Variants in FHOD3 observed in about 807,000 individuals in gnomAD.
FHOD3 encodes the protein formin homology 2 domain containing 3, also known as FH1/FH2 domain-containing protein 3.
Under a neutral mutation model 173.0 loss-of-function variants are expected in FHOD3, and 90 were observed. The ratio of observed to expected loss-of-function variants is 0.52; its 90% CI spans 0.44 to 0.62. FHOD3 has a LOEUF of 0.62. Among genes scored for constraint, FHOD3 ranks in the 20% least tolerant of loss-of-function variants. The pLI is 0.00. For synonymous variants in FHOD3, 828 were observed against 823.0 expected, an observed-to-expected ratio of 1.01 and a Z score of -0.10; for missense variants, 1,945 against 2,034.7, an observed-to-expected ratio of 0.96 and a Z score of 0.85.
At chr18:36,400,685 C>T (rs966784880) in intron 3 of FHOD3, among the ~76,000 whole-genome samples, 1 of 152,180 alleles carries the variant, frequency 6.6e-6, no homozygotes, top group African/African-American at 2.4e-5. Flanking sequence ...CTCAGTGCAT[C>T]CACCAGAGCT....
At chr18:36,774,266 G>C (rs2043528003) in intron 28 of FHOD3, among the ~76,000 whole-genome samples, 1 of 152,224 alleles carries the variant, frequency 6.6e-6, no homozygotes, top group South Asian at 2.1e-4. Context: ...TAGTAGGAGG[G>C]CATGGGCTGG....
intron 1 of FHOD3, among the ~76,000 whole-genome samples, chr18:36,337,373 A>G (rs1271495345): frequency 1.3e-5 from 2 of 152,162 alleles, no homozygotes; most frequent in East Asian, 3.9e-4. Context: ...GCTGGTATAT[A>G]ACGTGAATAA....
chr18:36,610,578 T>C (rs539393310), intron 8 of FHOD3, among the ~76,000 whole-genome samples: 1 of 152,306 alleles, frequency 6.6e-6, no homozygotes, highest in East Asian at 1.9e-4. Context: ...TTACAATTAG[T>C]TTTCATTAGT....
chr18:36,677,539 C>T (rs2037944905), intron 14 of FHOD3, among the ~76,000 whole-genome samples: 1 of 152,208 alleles, frequency 6.6e-6, no homozygotes, highest in Non-Finnish European at 1.5e-5. Context: ...ACACATTTGA[C>T]ATGAATCAGG....
At chr18:36,710,139 AC>A (rs2040090134) in intron 18 of FHOD3, 1 of 152,200 alleles carries the variant, frequency 6.6e-6, no homozygotes, top group Non-Finnish European at 1.5e-5. Flanking sequence ...GCCTGAAAGA[AC>A]CTCACCAAGG....
intron 5 of FHOD3, among the ~76,000 whole-genome samples, chr18:36,514,011 A>ATTTTTTTTTTTTT (rs1555735785): frequency 1.5e-5 from 1 of 65,616 alleles, no homozygotes. Context: ...TGCTATTTCT[A>ATTTTTTTTTTTTT]TTCTTTTTTT....
chr18:36,704,763 C>T (rs2039777435), intron 17 of FHOD3, among the ~76,000 whole-genome samples: 1 of 152,164 alleles, frequency 6.6e-6, no homozygotes, highest in African/African-American at 2.4e-5. Context: ...AAGGCAGTTC[C>T]TGTGAAGTGC....
At chr18:36,524,451 G>T (rs1056390834) in intron 5 of FHOD3, among the ~76,000 whole-genome samples, 26 of 152,152 alleles carry the variant, frequency 1.7e-4, no homozygotes, top group Non-Finnish European at 4.4e-5. Context: ...TGCTTCTCCA[G>T]AGCCTGAGGA....
intron 6 of FHOD3, among the ~76,000 whole-genome samples, chr18:36,581,791 G>A (rs186708043): frequency 3.3e-5 from 5 of 152,254 alleles, no homozygotes; most frequent in African/African-American, 1.2e-4. Context: ...TGGGGACATT[G>A]CTGAAAGTTT....
chr18:36,739,713 C>T (rs9959091), intron 20 of FHOD3, among the ~76,000 whole-genome samples: 57,509 of 152,018 alleles, frequency 0.38, 11,428 homozygotes, highest in African/African-American at 0.52. Flanking sequence ...TATACCTATG[C>T]GTTTCACTGT....
intron 1 of FHOD3, among the ~76,000 whole-genome samples, chr18:36,346,508 A>G (rs1414463618): frequency 2.0e-5 from 3 of 152,218 alleles, no homozygotes; most frequent in Non-Finnish European, 4.4e-5. Flanking sequence ...TGCTCAAGCA[A>G]GAAACTCAAG....
At position 36,653,463 on chromosome 18, in the gene FHOD3, T is replaced by C. The variant is rs1024309181; in HGVS notation, c.1721+47T>C. Reference sequence around the variant, plus strand: ...CCCTTTTCTGTAGCTTTCTGTTTTATATTCTAATGTATGCATTTTTCTTTT... The same window carrying C: ...CCCTTTTCTGTAGCTTTCTGTTTTACATTCTAATGTATGCATTTTTCTTTT... On this transcript the variant is annotated intron_variant, in intron 13 of 28. Coordinates refer to ENST00000590592, the MANE Select transcript of FHOD3 (RefSeq NM_001281740.3). The C allele has an allele frequency of 2.3e-6, 3 of 1,287,328 alleles. No individual in the cohort carries two copies. In the African/African-American group the frequency reaches 4.5e-5, roughly 19 times the overall value. 79.7% of individuals were successfully genotyped at this position (1,287,328 alleles called of 1,614,324 possible). A position where few individuals can be genotyped will look rare whatever the true frequency, so the allele number is the denominator to read the frequency against.
Position 36,361,681 on chromosome 18 carries a change from G to A in FHOD3, c.272+6036G>A, listed in dbSNP as rs537295468. Among the ~76,000 whole-genome samples, 79 of 136,436 alleles carry A rather than the reference G, an allele frequency of 5.8e-4. 1 individual carries two copies. Among genetic ancestry groups the A allele is most frequent in the African/African-American group, 1.2e-3 (43 of 34,570 alleles). 89.5% of individuals were successfully genotyped at this position (136,436 alleles called of 152,430 possible). A position where few individuals can be genotyped will look rare whatever the true frequency, so the allele number is the denominator to read the frequency against. On this transcript the variant is annotated intron_variant, in intron 2 of 28. Transcript: ENST00000590592. ...AGCCTGGCTGACACAGCAAGACTCC[G>A]TCTCAAAAAAAAAAAAAAAAGAAAA...
chr18:36,473,752 C>A (rs1024382673), intron 3 of FHOD3, among the ~76,000 whole-genome samples: 1 of 152,234 alleles, frequency 6.6e-6, no homozygotes, highest in African/African-American at 2.4e-5. Flanking sequence ...ATTTTCACAT[C>A]ATCTTTCATC....
intron 1 of FHOD3, among the ~76,000 whole-genome samples, chr18:36,300,959 T>C (rs2091944300): frequency 6.6e-6 from 1 of 152,136 alleles, no homozygotes; most frequent in South Asian, 2.1e-4. Context: ...CAGGCTGGTC[T>C]TAAACTCCTG....
chr18:36,779,429 A>T lies in FHOD3; in HGVS notation c.4787-19A>T. On this transcript the variant is annotated intron_variant, in intron 28 of 28. Transcript: ENST00000590592. Reference sequence around the variant, plus strand: ...TTTTCTTCTCATCCCTTTGGGTGTGACCTGCACCACCACTGCAGTGCGAAG... The same window carrying T: ...TTTTCTTCTCATCCCTTTGGGTGTGTCCTGCACCACCACTGCAGTGCGAAG... The T allele has an allele frequency of 6.2e-7, 1 of 1,612,528 alleles. No individual in the cohort carries two copies.
chr18:36,384,921 CACCACA>C (rs1426337596), intron 3 of FHOD3, among the ~76,000 whole-genome samples: 5 of 152,108 alleles, frequency 3.3e-5, no homozygotes, highest in Admixed American at 6.5e-5. Context: ...CCACCACCAC[CACCACA>C]AAGTTTTGTG....
intron 6 of FHOD3, among the ~76,000 whole-genome samples, chr18:36,591,390 G>A (rs1163690845): frequency 6.6e-6 from 1 of 152,156 alleles, no homozygotes; most frequent in Admixed American, 6.5e-5. Context: ...GGCTTTGCTG[G>A]GGGCTACTAC....
chr18:36,603,156 A>G (rs1013231104), intron 8 of FHOD3, among the ~76,000 whole-genome samples: 1 of 152,134 alleles, frequency 6.6e-6, no homozygotes, highest in African/African-American at 2.4e-5. Context: ...ACTGAGACAG[A>G]ATAAGTTTCT....
Sources: gnomAD v4.1 joint callset for allele counts (sites outside exome capture counted in the v4.1 genomes callset) on GRCh38, gnomAD v4.1.1 for gene constraint, MANE v1.5 for transcripts, NCBI Gene and HGNC (gene_info 2026-07-23, HGNC 2026-07-21) for gene names.